DLG2: variants seen among roughly 807,000 people sequenced by gnomAD.
The protein encoded by DLG2 is discs large MAGUK scaffold protein 2.
A neutral mutation model predicts 132.5 loss-of-function variants in DLG2; 45 were observed. That is an observed-to-expected ratio of 0.34 (90% CI 0.27 to 0.44). DLG2 has a LOEUF of 0.44. Among genes scored for constraint, DLG2 ranks in the 20% least tolerant of loss-of-function variants. The pLI, the probability that DLG2 is intolerant of heterozygous loss-of-function variation, is 1.00. For synonymous variants in DLG2, 424 were observed against 419.6 expected, an observed-to-expected ratio of 1.01 and a Z score of -0.13; for missense variants, 1,045 against 1,196.9, an observed-to-expected ratio of 0.87 and a Z score of 1.87.
At chr11:84,845,051 C>T (rs2081282246) in intron 6 of DLG2, among the ~76,000 whole-genome samples, 1 of 152,060 alleles carries the variant, frequency 6.6e-6, no homozygotes, top group African/African-American at 2.4e-5. Flanking sequence ...AATCAAACAG[C>T]AATGACTATT....
At chr11:84,343,180 T>C (rs1044294798) in intron 7 of DLG2, among the ~76,000 whole-genome samples, 2 of 152,154 alleles carry the variant, frequency 1.3e-5, no homozygotes, top group African/African-American at 4.8e-5. Context: ...GATGAATCGA[T>C]AGACATTCAC....
At position 83,990,140 on chromosome 11, in the gene DLG2, T is replaced by C. The variant is rs2093623643; in HGVS notation, c.920-9498A>G. ...AGCTGACACAGAAAAATGTAAGTAA[T>C]CATTTCACAAAAGGAAGTAAAATCA... On this transcript the variant is annotated intron_variant, in intron 11 of 27. Coordinates refer to ENST00000376104, the MANE Select transcript of DLG2 (RefSeq NM_001142699.3). Among the ~76,000 whole-genome samples, 4 of 152,204 alleles carry C rather than the reference T, an allele frequency of 2.6e-5. No individual in the cohort carries two copies. In the South Asian group the frequency reaches 6.2e-4, roughly 24 times the overall value.
chr11:85,042,592 G>C (rs1313702408), intron 6 of DLG2, among the ~76,000 whole-genome samples: 1 of 151,960 alleles, frequency 6.6e-6, no homozygotes, highest in African/African-American at 2.4e-5. Flanking sequence ...AATAAGGCAT[G>C]TGAATCTCTA....
intron 3 of DLG2, among the ~76,000 whole-genome samples, chr11:85,315,713 T>C (rs1230508113): frequency 6.6e-6 from 1 of 152,038 alleles, no homozygotes; most frequent in East Asian, 1.9e-4. Flanking sequence ...TTTCTCAAAC[T>C]GCCTATTCTA....
chr11:83,520,639 GTAGATAGATAGA>G (rs71066046), intron 21 of DLG2, among the ~76,000 whole-genome samples: 7 of 147,954 alleles, frequency 4.7e-5, no homozygotes, highest in African/African-American at 7.5e-5. Flanking sequence ...AGGTAGGTAG[GTAGATAGATAGA>G]TAGATAGATA....
chr11:83,734,388 CTT>C (rs1475446790), intron 18 of DLG2, among the ~76,000 whole-genome samples: 11 of 145,492 alleles, frequency 7.6e-5, no homozygotes, highest in Admixed American at 2.1e-4. Context: ...TCCTTCCTTC[CTT>C]CCTTCCTTCC....
chr11:84,430,903 T>C (rs73523756), intron 7 of DLG2, among the ~76,000 whole-genome samples: 137 of 152,268 alleles, frequency 9.0e-4, no homozygotes, highest in African/African-American at 3.1e-3. Flanking sequence ...ATGCTGCTGC[T>C]CACAACTGAG....
intron 4 of DLG2, among the ~76,000 whole-genome samples, chr11:85,244,956 T>C (rs2076062965): frequency 6.6e-6 from 1 of 151,954 alleles, no homozygotes; most frequent in South Asian, 2.1e-4. Flanking sequence ...TTTCTGCTGT[T>C]TATCCTAAAA....
chr11:83,745,073 C>T (rs2092804226), intron 18 of DLG2, among the ~76,000 whole-genome samples: 1 of 152,194 alleles, frequency 6.6e-6, no homozygotes, highest in Admixed American at 6.5e-5. Context: ...AGTTCTCAAA[C>T]TCTGGATACT....
chr11:84,726,924 T>A (rs914193968), intron 6 of DLG2, among the ~76,000 whole-genome samples: 1 of 152,236 alleles, frequency 6.6e-6, no homozygotes, highest in African/African-American at 2.4e-5. Flanking sequence ...TCTGCTTATA[T>A]CTTTTGCCCA....
chr11:85,352,179 T>A lies in DLG2; in HGVS notation c.41-66814A>T, dbSNP rs373664976. On this transcript the variant is annotated intron_variant, in intron 3 of 27. Coordinates refer to ENST00000376104, the MANE Select transcript of DLG2 (RefSeq NM_001142699.3). ...ATGAATTTATCCATTTCTTCTAGATTTTCTAGTTTATTTGCATAGACGTGT... is the reference window on the plus strand; with the variant it reads ...ATGAATTTATCCATTTCTTCTAGATATTCTAGTTTATTTGCATAGACGTGT... Among the ~76,000 whole-genome samples, 51 of 152,360 alleles carry A rather than the reference T, an allele frequency of 3.3e-4. No individual in the cohort carries two copies. In the East Asian group the frequency reaches 8.9e-3, roughly 27 times the overall value.
Position 84,516,903 on chromosome 11 carries a change from T to C in DLG2, c.519+17667A>G, listed in dbSNP as rs75306910. ...TCAACTGGTCTTGATCATGTACTTA[T>C]TACTGTGATCATGACTTAAAACTAT... On this transcript the variant is annotated intron_variant, in intron 7 of 27. Coordinates refer to ENST00000376104, the MANE Select transcript of DLG2 (RefSeq NM_001142699.3). Among the ~76,000 whole-genome samples the C allele has an allele frequency of 1.4e-3, 206 of 150,516 alleles. 4 individuals are homozygous for C. In the East Asian group the frequency reaches 0.038, roughly 27 times the overall value.
chr11:83,499,868 T>C (rs1023873847), intron 21 of DLG2, among the ~76,000 whole-genome samples: 1 of 60,608 alleles, frequency 1.6e-5, no homozygotes, highest in African/African-American at 9.1e-5. Flanking sequence ...TATATATATA[T>C]ATATATATAT....
intron 7 of DLG2, among the ~76,000 whole-genome samples, chr11:84,410,548 C>T (rs1029554859): frequency 6.8e-6 from 1 of 147,388 alleles, no homozygotes; most frequent in African/African-American, 2.5e-5. Context: ...ACTATATAAA[C>T]AATCATTTTT....
intron 18 of DLG2, among the ~76,000 whole-genome samples, chr11:83,661,145 G>T (rs1336395160): frequency 6.6e-6 from 1 of 152,106 alleles, no homozygotes; most frequent in Non-Finnish European, 1.5e-5. Flanking sequence ...AGACAACCTT[G>T]TGCTGTGGGG....
At chr11:83,774,400 G>C (rs754066854) in intron 18 of DLG2, among the ~76,000 whole-genome samples, 1 of 152,098 alleles carries the variant, frequency 6.6e-6, no homozygotes, top group Non-Finnish European at 1.5e-5. Flanking sequence ...TTATATGTAC[G>C]CCTTCGTTTA....
intron 6 of DLG2, among the ~76,000 whole-genome samples, chr11:84,806,660 G>A (rs1166381487): frequency 1.3e-5 from 2 of 152,100 alleles, no homozygotes; most frequent in Non-Finnish European, 2.9e-5. Context: ...TGTCACCAGA[G>A]GACCTATGAT....
intron 4 of DLG2, among the ~76,000 whole-genome samples, chr11:85,260,810 A>G (rs1420820163): frequency 6.6e-6 from 1 of 152,180 alleles, no homozygotes; most frequent in Non-Finnish European, 1.5e-5. Context: ...AGAGCAGAAC[A>G]ATCACTTTTT....
chr11:84,415,148 A>T (rs2098924839), intron 7 of DLG2, among the ~76,000 whole-genome samples: 1 of 152,182 alleles, frequency 6.6e-6, no homozygotes, highest in South Asian at 2.1e-4. Flanking sequence ...TTATTCTAAG[A>T]AGATTTACTG....
Sources: gnomAD v4.1 joint callset for allele counts (sites outside exome capture counted in the v4.1 genomes callset) on GRCh38, gnomAD v4.1.1 for gene constraint, MANE v1.5 for transcripts, NCBI Gene and HGNC (gene_info 2026-07-23, HGNC 2026-07-21) for gene names.